Variants in TEX11 observed in about 807,000 individuals in gnomAD.
The protein encoded by TEX11 is testis-expressed protein 11.
A neutral mutation model predicts 84.4 loss-of-function variants in TEX11; 7 were observed. The observed-to-expected ratio is 0.08, with a 90% CI of 0.05 to 0.16. TEX11 has a LOEUF of 0.16. Ranked by LOEUF, TEX11 falls within the 10% of genes least tolerant of loss-of-function variation. TEX11 has a pLI of 1.00. For missense variants in TEX11, 551 were observed against 660.5 expected, an observed-to-expected ratio of 0.83 and a Z score of 1.82; for synonymous variants, 264 against 222.8, an observed-to-expected ratio of 1.18 and a Z score of -1.64.
rs762939094 is a variant in TEX11 at position 70,683,842 on chromosome X, G to A, written c.1005-1017C>T. Among the ~76,000 whole-genome samples, 3 of 111,651 alleles carry A rather than the reference G, an allele frequency of 2.7e-5. No homozygotes were observed. The East Asian group carries it at 8.4e-4, about 31-fold the overall frequency. On this transcript the variant is annotated intron_variant, in intron 13 of 29. Coordinates refer to ENST00000374333, the MANE Select transcript of TEX11 (RefSeq NM_031276.3). Reference sequence around the variant, plus strand: ...ATAAAGATAGACATATAGACCAATGGAATGGAATAGAGAACGCAGAAATAA... The same window carrying A: ...ATAAAGATAGACATATAGACCAATGAAATGGAATAGAGAACGCAGAAATAA...
At chrX:70,613,054 T>C (rs985792450) in intron 20 of TEX11, among the ~76,000 whole-genome samples, 4 of 111,728 alleles carry the variant, frequency 3.6e-5, no homozygotes, top group Non-Finnish European at 7.5e-5. Flanking sequence ...AAAATCCCAC[T>C]AACCCAGAAT....
At chrX:70,636,263 A>G (rs932708644) in intron 17 of TEX11, among the ~76,000 whole-genome samples, 1 of 110,916 alleles carries the variant, frequency 9.0e-6, no homozygotes, top group African/African-American at 3.3e-5. Context: ...CCAGGCTTCA[A>G]GGCAGTCCTT....
At chrX:70,594,933 C>T (rs1198104654) in intron 24 of TEX11, among the ~76,000 whole-genome samples, 1 of 111,176 alleles carries the variant, frequency 9.0e-6, no homozygotes, top group Non-Finnish European at 1.9e-5. Context: ...TATGAATTAC[C>T]CAGTCTCAGG....
chrX:70,747,293 G>T (rs967511106), intron 9 of TEX11, among the ~76,000 whole-genome samples: 11 of 111,998 alleles, frequency 9.8e-5, no homozygotes, highest in African/African-American at 3.2e-4. Context: ...GGATGCAGGG[G>T]TGACTCCATA....
intron 14 of TEX11, 106 bp from the exon 15 acceptor site, chrX:70,678,995 A>G (rs945166328): frequency 7.1e-4 from 435 of 615,408 alleles, no homozygotes; most frequent in Non-Finnish European, 5.3e-4. Flanking sequence ...CCCTCTCTCC[A>G]CGGTCTCCCT....
chrX:70,541,214 A>C (rs2088039599), intron 28 of TEX11, among the ~76,000 whole-genome samples: 1 of 111,197 alleles, frequency 9.0e-6, no homozygotes, highest in African/African-American at 3.3e-5. Context: ...AAAGTTATGT[A>C]CTGTATGATT....
chrX:70,731,550 C>A (rs1402184826), intron 11 of TEX11, among the ~76,000 whole-genome samples: 1 of 111,834 alleles, frequency 8.9e-6, no homozygotes, highest in Non-Finnish European at 1.9e-5. Flanking sequence ...ACTAGAAAAT[C>A]TAGAAGAAAT....
At chrX:70,714,995 C>A (rs1321823104) in intron 13 of TEX11, among the ~76,000 whole-genome samples, 2 of 111,321 alleles carry the variant, frequency 1.8e-5, no homozygotes, top group African/African-American at 3.3e-5. Context: ...CTGGTGGTGA[C>A]AAAATCTCTC....
chrX:70,813,051 C>T lies in TEX11; in HGVS notation c.607-6261G>A, dbSNP rs377169640. Among the ~76,000 whole-genome samples the T allele has an allele frequency of 3.6e-5, 4 of 111,441 alleles. No individual in the cohort carries two copies. In the East Asian group the frequency reaches 1.1e-3, roughly 31 times the overall value. On this transcript the variant is annotated intron_variant, in intron 8 of 29. Transcript: ENST00000374333. ...GAGCTGGTACCATTCCTTCTGAAACCATTTCAATCAATAGAAAAAGAAGGA... is the reference window on the plus strand; with the variant it reads ...GAGCTGGTACCATTCCTTCTGAAACTATTTCAATCAATAGAAAAAGAAGGA...
intron 26 of TEX11, among the ~76,000 whole-genome samples, chrX:70,553,957 A>G (rs1159544161): frequency 9.0e-6 from 1 of 111,687 alleles, no homozygotes; most frequent in South Asian, 3.8e-4. Context: ...CATAAAGTAT[A>G]TATCATCTGC....
intron 4 of TEX11, among the ~76,000 whole-genome samples, chrX:70,867,543 CA>C: frequency 9.0e-6 from 1 of 111,331 alleles, no homozygotes; most frequent in South Asian, 3.8e-4. Flanking sequence ...CATATGGAAC[CA>C]AAAAAGAGCC....
intron 17 of TEX11, among the ~76,000 whole-genome samples, chrX:70,641,029 C>T (rs1201535671): frequency 9.1e-6 from 1 of 110,409 alleles, no homozygotes; most frequent in African/African-American, 3.3e-5. Flanking sequence ...ACCCATCTCA[C>T]TTGCAGAGAC....
At chrX:70,872,813 T>C (rs901623898) in intron 4 of TEX11, among the ~76,000 whole-genome samples, 4 of 112,223 alleles carry the variant, frequency 3.6e-5, no homozygotes, top group Admixed American at 9.5e-5. Flanking sequence ...AATCTGAATA[T>C]GTCATATGGC....
chrX:70,821,055 A>C (rs1002334775), intron 8 of TEX11, among the ~76,000 whole-genome samples: 1 of 111,892 alleles, frequency 8.9e-6, no homozygotes, highest in African/African-American at 3.2e-5. Flanking sequence ...CCATCAACAG[A>C]GTGAAAAAGC....
intron 25 of TEX11, among the ~76,000 whole-genome samples, chrX:70,591,531 A>T (rs1002488555): frequency 3.6e-5 from 4 of 111,039 alleles, no homozygotes; most frequent in African/African-American, 1.3e-4. Context: ...TGAACCCAGA[A>T]GGCAGAGGTT....
intron 9 of TEX11, among the ~76,000 whole-genome samples, chrX:70,775,323 C>T (rs1332182876): frequency 4.5e-5 from 5 of 110,925 alleles, no homozygotes; most frequent in Non-Finnish European, 7.6e-5. Flanking sequence ...AACAAAAACA[C>T]GAATAGACAA....
chrX:70,789,495 A>G (rs57371828), intron 9 of TEX11, among the ~76,000 whole-genome samples: 25,341 of 110,966 alleles, frequency 0.23, 2,258 homozygotes, highest in Admixed American at 0.41. Context: ...GGGAAGCTGA[A>G]GCACGATAAT....
intron 13 of TEX11, among the ~76,000 whole-genome samples, chrX:70,715,689 T>C (rs193050765): frequency 1.2e-3 from 133 of 111,792 alleles, no homozygotes; most frequent in Admixed American, 3.2e-3. Flanking sequence ...GTTAGCCATT[T>C]GTCTAATCTT....
At chrX:70,672,782 C>T (rs1377789642) in intron 15 of TEX11, 1 of 111,706 alleles carries the variant, frequency 9.0e-6, no homozygotes, top group African/African-American at 3.3e-5. Flanking sequence ...CTCCCAGTCT[C>T]TAGCTTTTTT....
Sources: allele counts gnomAD v4.1 joint callset (sites outside exome capture counted in the v4.1 genomes callset), GRCh38; gene constraint gnomAD v4.1.1; transcripts MANE v1.5; gene names NCBI Gene and HGNC (gene_info 2026-07-23, HGNC 2026-07-21).